Variants in SYN2 observed in about 807,000 individuals in gnomAD.
SYN2 encodes synapsin II, also known as synapsin-2.
A neutral mutation model predicts 50.9 loss-of-function variants in SYN2; 19 were observed. That is an observed-to-expected ratio of 0.37 (90% confidence interval 0.26 to 0.55). The LOEUF is 0.55. Among genes scored for constraint, SYN2 ranks in the 20% least tolerant of loss-of-function variants. The probability of loss-of-function intolerance (pLI) is 0.81; values close to 1 mark genes in which losing one functional copy is unlikely to be tolerated. For missense variants in SYN2, 587 were observed against 576.4 expected (o/e 1.02, Z -0.19); for synonymous variants, 255 against 224.9 (o/e 1.13, Z -1.20).
chr3:12,154,890 T>C lies in SYN2; in HGVS notation c.774+3564T>C, dbSNP rs147622693. Among the ~76,000 whole-genome samples, 710 of 152,288 alleles carry C rather than the reference T, an allele frequency of 4.7e-3. 5 individuals carry two copies. The highest frequency in any genetic ancestry group is 0.016 in the African/African-American group (648 of 41,562). Reference sequence around the variant, plus strand: ...CACAGTTGTGGTCCCACAGAAGATATTCAATAAATAATAGGTCCCTTCCCC... The same window carrying C: ...CACAGTTGTGGTCCCACAGAAGATACTCAATAAATAATAGGTCCCTTCCCC... On this transcript the variant is annotated intron_variant, in intron 5 of 12. Coordinates refer to ENST00000621198, the MANE Select transcript of SYN2 (RefSeq NM_133625.6).
chr3:12,117,986 T>G (rs1696469060), intron 1 of SYN2, among the ~76,000 whole-genome samples: 1 of 152,152 alleles, frequency 6.6e-6, no homozygotes, highest in Non-Finnish European at 1.5e-5. Context: ...ACTCAGAATT[T>G]AGTGAGGTTA....
At chr3:12,127,275 A>G (rs1559430762) in intron 1 of SYN2, among the ~76,000 whole-genome samples, 2 of 152,250 alleles carry the variant, frequency 1.3e-5, no homozygotes, top group African/African-American at 2.4e-5. Context: ...GAAAAGAGCA[A>G]GAACAGCACT....
chr3:12,085,145 C>G lies in SYN2; in HGVS notation c.378-55506C>G, dbSNP rs1201754315. Among the ~76,000 whole-genome samples the G allele has an allele frequency of 2.0e-5, 3 of 151,144 alleles. 1 individual carries two copies. The highest frequency in any genetic ancestry group is 2.0e-4 in the Admixed American group (3 of 15,170). ...AAAAATATGTTGCCTACAAGAGACTCACTTCACTGTTAAGGACACATGTAG... is the reference window on the plus strand; with the variant it reads ...AAAAATATGTTGCCTACAAGAGACTGACTTCACTGTTAAGGACACATGTAG... On this transcript the variant is annotated intron_variant, in intron 1 of 12. Transcript: ENST00000621198.
chr3:12,128,755 C>T (rs1023367727), intron 1 of SYN2, among the ~76,000 whole-genome samples: 10 of 152,096 alleles, frequency 6.6e-5, no homozygotes, highest in Non-Finnish European at 1.5e-4. Flanking sequence ...AAATGCTCTC[C>T]ATTTCAAAGA....
intron 1 of SYN2, among the ~76,000 whole-genome samples, chr3:12,045,759 G>A (rs1352318652): frequency 6.6e-6 from 1 of 152,128 alleles, no homozygotes; most frequent in Non-Finnish European, 1.5e-5. Flanking sequence ...TGGGAGTACT[G>A]CAACATTGAG....
rs1160801318 is a variant in SYN2 at position 12,004,447 on chromosome 3, C to CGCCGCCTCA, written c.-94_-86dup. ...GGGCCTGAGTCTCTGCTGGCTAAGC[C>CGCCGCCTCA]GCCGCCTCAGCCGCCTCAGTCGCCT... On this transcript the variant is annotated 5_prime_UTR_variant, in exon 1 of 13. Transcript: ENST00000621198. 2.4e-4 allele frequency: 77 copies of CGCCGCCTCA among 317,012 alleles called. No individual in the cohort carries two copies. Among genetic ancestry groups the CGCCGCCTCA allele is most frequent in the Middle Eastern group, 7.1e-4 (1 of 1,416 alleles). The allele number at this position is 317,012 out of a possible 1,614,324, so 19.6% of individuals were successfully genotyped here. A position where few individuals can be genotyped will look rare whatever the true frequency, so the allele number is the denominator to read the frequency against.
intron 10 of SYN2, among the ~76,000 whole-genome samples, chr3:12,181,490 G>A (rs1020382395): frequency 6.6e-6 from 1 of 152,208 alleles, no homozygotes; most frequent in Non-Finnish European, 1.5e-5. Context: ...GAGGGAGAAG[G>A]CTAGAAAGGG....
chr3:12,117,309 T>C (rs1311973972), intron 1 of SYN2, among the ~76,000 whole-genome samples: 1 of 152,202 alleles, frequency 6.6e-6, no homozygotes, highest in Non-Finnish European at 1.5e-5. Flanking sequence ...CAAGGCACTT[T>C]CTTCCAGTGA....
intron 1 of SYN2, among the ~76,000 whole-genome samples, chr3:12,027,134 A>G (rs1235820832): frequency 6.6e-6 from 1 of 152,202 alleles, no homozygotes; most frequent in Admixed American, 6.5e-5. Flanking sequence ...GAATGTGGCA[A>G]GATTGTAATT....
At chr3:12,042,752 T>G (rs1574905284) in intron 1 of SYN2, among the ~76,000 whole-genome samples, 1 of 152,060 alleles carries the variant, frequency 6.6e-6, no homozygotes, top group African/African-American at 2.4e-5. Flanking sequence ...CAATGGCTGG[T>G]GTCCTTATAA....
intron 4 of SYN2, among the ~76,000 whole-genome samples, chr3:12,150,503 G>A (rs988776454): frequency 1.3e-5 from 2 of 151,874 alleles, no homozygotes; most frequent in African/African-American, 4.8e-5. Context: ...GATGGAGCGG[G>A]GTGGGGGAGC....
chr3:12,161,820 G>T lies in SYN2; in HGVS notation c.838-192G>T. On this transcript the variant is annotated intron_variant, in intron 6 of 12. Transcript: ENST00000621198. ...ACCTGCTTGGTCCTCTGGGTCCTTT[G>T]CAGCAAGTGTGGCCCTTGAGTTCTG... 3 of 994,130 alleles carry T rather than the reference G, an allele frequency of 3.0e-6. No individual in the cohort carries two copies. In the South Asian group the frequency reaches 4.9e-5, roughly 16 times the overall value. 61.6% of individuals were successfully genotyped at this position (994,130 alleles called of 1,614,324 possible). A position where few individuals can be genotyped will look rare whatever the true frequency, so the allele number is the denominator to read the frequency against.
At chr3:12,011,198 A>C (rs778818526) in intron 1 of SYN2, among the ~76,000 whole-genome samples, 3 of 152,252 alleles carry the variant, frequency 2.0e-5, no homozygotes, top group Non-Finnish European at 4.4e-5. Flanking sequence ...ACAGTGGGGC[A>C]CTCACTATTT....
chr3:12,036,928 C>T (rs574154092), intron 1 of SYN2, among the ~76,000 whole-genome samples: 1 of 152,306 alleles, frequency 6.6e-6, no homozygotes, highest in South Asian at 2.1e-4. Flanking sequence ...GCATCTTGAA[C>T]ACTTTGCTGC....
At chr3:12,182,627 G>GTA (rs1272892504) in intron 10 of SYN2, among the ~76,000 whole-genome samples, 1 of 152,338 alleles carries the variant, frequency 6.6e-6, no homozygotes, top group African/African-American at 2.4e-5. Flanking sequence ...TCCCTCTAAG[G>GTA]TAAGGAGGGT....
chr3:12,025,355 A>G (rs1694234667), intron 1 of SYN2, among the ~76,000 whole-genome samples: 1 of 152,204 alleles, frequency 6.6e-6, no homozygotes, highest in African/African-American at 2.4e-5. Context: ...TGTTATAGGA[A>G]ACTTGACTAG....
intron 1 of SYN2, among the ~76,000 whole-genome samples, chr3:12,123,077 A>G (rs2125203761): frequency 6.6e-6 from 1 of 152,316 alleles, no homozygotes; most frequent in African/African-American, 2.4e-5. Context: ...AAAGAGAAGA[A>G]CATGCAAGCA....
Position 12,112,930 on chromosome 3 carries a change from G to A in SYN2, c.378-27721G>A, listed in dbSNP as rs987852437. ...CAGAGAGGAATGATCATCATGGGCTGTAAAGACCAGGGAATGCTTTGTAGA... is the reference window on the plus strand; with the variant it reads ...CAGAGAGGAATGATCATCATGGGCTATAAAGACCAGGGAATGCTTTGTAGA... On this transcript the variant is annotated intron_variant, in intron 1 of 12. Coordinates refer to ENST00000621198, the MANE Select transcript of SYN2 (RefSeq NM_133625.6). 2.0e-5 allele frequency among the ~76,000 whole-genome samples: 3 copies of A among 152,204 alleles called. No homozygotes were observed. In the East Asian group the frequency reaches 5.8e-4, roughly 29 times the overall value.
chr3:12,128,191 C>T (rs1051092235), intron 1 of SYN2, among the ~76,000 whole-genome samples: 4 of 152,120 alleles, frequency 2.6e-5, no homozygotes, highest in African/African-American at 9.7e-5. Context: ...GTAATCCTCC[C>T]GCCTCAGTCT....
Sources: gnomAD v4.1 joint callset for allele counts (sites outside exome capture counted in the v4.1 genomes callset) on GRCh38, gnomAD v4.1.1 for gene constraint, MANE v1.5 for transcripts, NCBI Gene and HGNC (gene_info 2026-07-23, HGNC 2026-07-21) for gene names.